Variants in GSE1 observed in about 807,000 individuals in gnomAD.
GSE1 encodes Gse1 coiled-coil protein.
In GSE1, 32 loss-of-function variants were observed where a neutral mutation model predicts 112.6. The observed-to-expected ratio is 0.28, with a 90% CI of 0.21 to 0.38. GSE1 has a LOEUF of 0.38. Among genes scored for constraint, GSE1 ranks in the 10% least tolerant of loss-of-function variants. The pLI, the probability that GSE1 is intolerant of heterozygous loss-of-function variation, is 1.00. For missense variants in GSE1, 2,348 were observed against 1,699.2 expected (o/e 1.38, Z -6.71); for synonymous variants, 1,115 against 735.6 (o/e 1.52, Z -8.35).
At chr16:85,421,662 C>T (rs1429218570) in intron 2 of GSE1, among the ~76,000 whole-genome samples, 1 of 152,114 alleles carries the variant, frequency 6.6e-6, no homozygotes, top group Admixed American at 6.5e-5. Context: ...CTGGGGGCGT[C>T]GGGGGTGCTT....
chr16:85,259,321 C>T (rs6564111), intron 1 of GSE1, among the ~76,000 whole-genome samples: 6 of 111,306 alleles, frequency 5.4e-5, no homozygotes, highest in African/African-American at 2.1e-4. Flanking sequence ...CCCTGTGCTC[C>T]ACCCTGGCCC....
chr16:85,609,967 T>A (rs577733649), upstream of GSE1, among the ~76,000 whole-genome samples: 5 of 152,320 alleles, frequency 3.3e-5, no homozygotes, highest in East Asian at 9.6e-4. Flanking sequence ...GGAAAGCTTT[T>A]AAATTTTAAA....
chr16:85,190,961 G>GAT (rs980981954), intron 1 of GSE1, among the ~76,000 whole-genome samples: 4 of 152,124 alleles, frequency 2.6e-5, no homozygotes, highest in Admixed American at 6.5e-5. Context: ...TCTTTTAAAA[G>GAT]ATATATATAT....
chr16:85,236,798 C>A (rs112887137), intron 1 of GSE1, among the ~76,000 whole-genome samples: 1,609 of 152,156 alleles, frequency 0.011, 31 homozygotes, highest in African/African-American at 0.036. Context: ...CCTGTAATAC[C>A]TCTAAGGTGT....
chr16:85,643,183 A>G (rs2050582488), intron 2 of GSE1, among the ~76,000 whole-genome samples: 1 of 152,194 alleles, frequency 6.6e-6, no homozygotes, highest in African/African-American at 2.4e-5. Context: ...AGCAGAGGTG[A>G]CGCGGACACG....
At chr16:85,443,990 T>TTTA (rs1364897440) in intron 2 of GSE1, among the ~76,000 whole-genome samples, 2 of 143,544 alleles carry the variant, frequency 1.4e-5, no homozygotes, top group Non-Finnish European at 3.1e-5. Flanking sequence ...CGCTTTTTTT[T>TTTA]TTTTTTTTTT....
intron 2 of GSE1, among the ~76,000 whole-genome samples, chr16:85,418,969 G>T (rs1224251295): frequency 6.6e-6 from 1 of 152,220 alleles, no homozygotes; most frequent in African/African-American, 2.4e-5. Flanking sequence ...AGCAGGTTTG[G>T]GGGTGGGAGA....
upstream of GSE1, among the ~76,000 whole-genome samples, chr16:85,607,762 C>G (rs970461189): frequency 1.3e-5 from 2 of 152,224 alleles, no homozygotes; most frequent in African/African-American, 4.8e-5. Flanking sequence ...ATCCAATCAG[C>G]AGATCTGGGT....
At chr16:85,662,029 C>T (rs575894204) in intron 9 of GSE1, among the ~76,000 whole-genome samples, 5 of 152,302 alleles carry the variant, frequency 3.3e-5, no homozygotes, top group East Asian at 3.9e-4. Context: ...AAGATAGTTC[C>T]GCAGACAAGC....
intron 1 of GSE1, among the ~76,000 whole-genome samples, chr16:85,193,106 G>A (rs750146910): frequency 3.9e-5 from 6 of 152,078 alleles, no homozygotes; most frequent in Non-Finnish European, 8.8e-5. Context: ...CCCAGCCATC[G>A]GACTTCAAAA....
chr16:85,516,177 C>T (rs1040867848), intron 2 of GSE1, among the ~76,000 whole-genome samples: 5 of 151,952 alleles, frequency 3.3e-5, no homozygotes, highest in Non-Finnish European at 7.4e-5. Flanking sequence ...GGACCAGACC[C>T]CTGGAGTACT....
At chr16:85,654,102 G>A (rs1037240071) in intron 3 of GSE1, among the ~76,000 whole-genome samples, 176 bp from the exon 4 acceptor site, 1 of 152,110 alleles carries the variant, frequency 6.6e-6, no homozygotes, top group Non-Finnish European at 1.5e-5. Context: ...CCTTTCTTAC[G>A]GTTCTGCTTC....
At chr16:85,533,018 G>A (rs1184275880) in intron 2 of GSE1, among the ~76,000 whole-genome samples, 1 of 152,180 alleles carries the variant, frequency 6.6e-6, no homozygotes, top group Non-Finnish European at 1.5e-5. Context: ...GGTGTCGGCC[G>A]CTGCCTGTCA....
At chr16:85,393,562 T>C (rs773568828) in intron 2 of GSE1, among the ~76,000 whole-genome samples, 1 of 152,144 alleles carries the variant, frequency 6.6e-6, no homozygotes, top group Non-Finnish European at 1.5e-5. Flanking sequence ...GGAGGGTGTT[T>C]TGCTAACTTC....
chr16:85,250,553 A>G (rs373784480), intron 1 of GSE1, among the ~76,000 whole-genome samples: 8 of 152,380 alleles, frequency 5.3e-5, no homozygotes, highest in Admixed American at 2.6e-4. Context: ...CTGATCAGCA[A>G]AACAATATGT....
intron 2 of GSE1, among the ~76,000 whole-genome samples, chr16:85,477,173 A>G (rs2050484665): frequency 1.3e-5 from 2 of 151,978 alleles, no homozygotes; most frequent in African/African-American, 4.8e-5. Flanking sequence ...TGGCCTCCCA[A>G]AGTGCTGGGA....
intron 1 of GSE1, among the ~76,000 whole-genome samples, chr16:85,273,942 C>G (rs1244688579): frequency 6.6e-6 from 1 of 150,958 alleles, no homozygotes; most frequent in Non-Finnish European, 1.5e-5. Context: ...GGTGATCCAC[C>G]CACCTCGGCC....
chr16:85,291,654 G>C (rs1355191387), intron 1 of GSE1, among the ~76,000 whole-genome samples: 1 of 152,186 alleles, frequency 6.6e-6, no homozygotes, highest in Non-Finnish European at 1.5e-5. Context: ...CGCAGCTGCT[G>C]ACAGAGCCCA....
intron 1 of GSE1, chr16:85,184,982 T>A (rs1404280443): frequency 6.6e-6 from 1 of 152,226 alleles, no homozygotes; most frequent in Non-Finnish European, 1.5e-5. Context: ...GTCATTAACT[T>A]TTTTTGTGTG....
Sources: gnomAD v4.1 joint callset for allele counts (sites outside exome capture counted in the v4.1 genomes callset) on GRCh38, gnomAD v4.1.1 for gene constraint, MANE v1.5 for transcripts, NCBI Gene and HGNC (gene_info 2026-07-23, HGNC 2026-07-21) for gene names.